PTPRM: variants seen among roughly 807,000 people sequenced by gnomAD.
PTPRM encodes the protein receptor-type tyrosine-protein phosphatase mu.
In PTPRM, 47 loss-of-function variants were observed where a neutral mutation model predicts 186.7. The ratio of observed to expected loss-of-function variants is 0.25; its 90% confidence interval spans 0.20 to 0.32. PTPRM has a LOEUF of 0.32. Among genes scored for constraint, PTPRM ranks in the 10% least tolerant of loss-of-function variants. The probability of loss-of-function intolerance (pLI) is 1.00; values close to 1 mark genes in which losing one functional copy is unlikely to be tolerated. For missense variants in PTPRM, 1,494 were observed against 1,865.0 expected (o/e 0.80, Z 3.66); for synonymous variants, 668 against 674.9 (o/e 0.99, Z 0.16).
chr18:8,075,450 AT>A (rs1239491512), intron 8 of PTPRM, among the ~76,000 whole-genome samples: 2 of 152,144 alleles, frequency 1.3e-5, no homozygotes. Flanking sequence ...ATATATGCAT[AT>A]TTATAAACAG....
intron 1 of PTPRM, among the ~76,000 whole-genome samples, chr18:7,632,149 G>A (rs2038207123): frequency 6.6e-6 from 1 of 152,194 alleles, no homozygotes; most frequent in South Asian, 2.1e-4. Flanking sequence ...TGATGTCAGA[G>A]GCCAATTGTC....
At chr18:7,974,552 C>T (rs1045122835) in intron 7 of PTPRM, among the ~76,000 whole-genome samples, 1 of 152,166 alleles carries the variant, frequency 6.6e-6, no homozygotes, top group Non-Finnish European at 1.5e-5. Context: ...AATTTATTAA[C>T]TCGCATTAAT....
chr18:7,658,359 T>TATATATATATATATATACAC (rs1491198247), intron 1 of PTPRM, among the ~76,000 whole-genome samples: 4 of 136,666 alleles, frequency 2.9e-5, no homozygotes, highest in African/African-American at 1.2e-4. Context: ...TATATATATA[T>TATATATATATATATATACAC]ACATACACAC....
Position 7,676,661 on chromosome 18 carries a change from GTA to G in PTPRM, c.74-97486_74-97485del, listed in dbSNP as rs1555650378. On this transcript the variant is annotated intron_variant, in intron 1 of 32. Transcript: ENST00000580170. ...TGTGTGTGTGTGTGTGTGTGTGTGT[GTA>G]TGTGTGTGTGTGTGTGTGTGTGTGT... Among the ~76,000 whole-genome samples the G allele has an allele frequency of 5.5e-3, 654 of 119,532 alleles. 1 individual carries two copies. Among genetic ancestry groups the G allele is most frequent in the African/African-American group, 0.017 (374 of 22,190 alleles). The allele number at this position is 119,532 out of a possible 152,430, so 78.4% of individuals were successfully genotyped here. A position where few individuals can be genotyped will look rare whatever the true frequency, so the allele number is the denominator to read the frequency against.
At chr18:7,767,396 A>G (rs1480162814) in intron 1 of PTPRM, among the ~76,000 whole-genome samples, 5 of 152,166 alleles carry the variant, frequency 3.3e-5, no homozygotes, top group African/African-American at 1.2e-4. Flanking sequence ...AAAAAAAACA[A>G]TTTTTAATAT....
intron 4 of PTPRM, among the ~76,000 whole-genome samples, chr18:7,918,715 A>G (rs1385175532): frequency 1.3e-5 from 2 of 152,068 alleles, no homozygotes; most frequent in Non-Finnish European, 2.9e-5. Flanking sequence ...TGTCAAATGG[A>G]TAGTTTGCAA....
intron 19 of PTPRM, among the ~76,000 whole-genome samples, chr18:8,258,490 T>C (rs1395257528): frequency 2.0e-5 from 3 of 151,952 alleles, no homozygotes; most frequent in Admixed American, 6.6e-5. Context: ...TCCAACGTTG[T>C]GGTGATCCTG....
chr18:7,661,028 C>T lies in PTPRM; in HGVS notation c.73+93137C>T, dbSNP rs1308102655. On this transcript the variant is annotated intron_variant, in intron 1 of 32. Coordinates refer to ENST00000580170, the MANE Select transcript of PTPRM (RefSeq NM_001105244.2). The stretch of plus-strand genomic sequence containing the variant: ...AAGAACATAGCATTTTCTAACATGA[C>T]AATGTCAGCTTAGTGACAGGATGAA... Among the ~76,000 whole-genome samples, 3 of 152,152 alleles carry T rather than the reference C, an allele frequency of 2.0e-5. No individual in the cohort carries two copies. In the East Asian group the frequency reaches 5.8e-4, roughly 29 times the overall value.
chr18:8,219,416 G>A (rs1293477611), intron 14 of PTPRM, among the ~76,000 whole-genome samples: 2 of 151,832 alleles, frequency 1.3e-5, no homozygotes, highest in Admixed American at 6.6e-5. Context: ...GCAGTGAGCC[G>A]AGATCAGGCC....
At chr18:8,398,781 A>AG in intron 32 of PTPRM, among the ~76,000 whole-genome samples, 1 of 151,956 alleles carries the variant, frequency 6.6e-6, no homozygotes, top group Admixed American at 6.5e-5. Flanking sequence ...AAAAAAAAAA[A>AG]AAAAACTATT....
chr18:8,140,751 A>G (rs1023858047), intron 13 of PTPRM, among the ~76,000 whole-genome samples: 8 of 152,166 alleles, frequency 5.3e-5, no homozygotes, highest in African/African-American at 1.9e-4. Context: ...AAGGAACTAA[A>G]TGCACACTGC....
At chr18:8,004,737 C>T (rs905019813) in intron 7 of PTPRM, among the ~76,000 whole-genome samples, 1 of 152,078 alleles carries the variant, frequency 6.6e-6, no homozygotes, top group Non-Finnish European at 1.5e-5. Context: ...ATAGATTGCA[C>T]GAAGCCAGAA....
intron 3 of PTPRM, among the ~76,000 whole-genome samples, chr18:7,901,076 G>A (rs770644636): frequency 9.2e-5 from 14 of 151,930 alleles, no homozygotes; most frequent in Non-Finnish European, 1.6e-4. Flanking sequence ...TTTTCGACCC[G>A]GATGCTGGCA....
intron 19 of PTPRM, among the ~76,000 whole-genome samples, chr18:8,272,681 C>A (rs2094787481): frequency 6.6e-6 from 1 of 152,046 alleles, no homozygotes; most frequent in Admixed American, 6.6e-5. Flanking sequence ...ACATTCATTG[C>A]AATTTGTGAA....
At chr18:7,833,575 A>T (rs1440996561) in intron 2 of PTPRM, among the ~76,000 whole-genome samples, 1 of 152,080 alleles carries the variant, frequency 6.6e-6, no homozygotes, top group Non-Finnish European at 1.5e-5. Context: ...CTCTACTAAA[A>T]ATACAAAAAT....
intron 1 of PTPRM, among the ~76,000 whole-genome samples, chr18:7,706,146 T>C (rs1448526377): frequency 1.3e-5 from 2 of 151,770 alleles, no homozygotes; most frequent in Admixed American, 6.6e-5. Context: ...TTTTTTCCAG[T>C]ATTGTTTTGG....
At chr18:8,070,891 A>G (rs1444822433) in intron 8 of PTPRM, among the ~76,000 whole-genome samples, 1 of 152,228 alleles carries the variant, frequency 6.6e-6, no homozygotes, top group East Asian at 1.9e-4. Context: ...GTAACTGATA[A>G]TGTAATTTTG....
intron 31 of PTPRM, 62 bp downstream of exon 31, chr18:8,387,297 C>G (rs1266473644): frequency 1.3e-6 from 2 of 1,484,882 alleles, no homozygotes; most frequent in Non-Finnish European, 1.8e-6. Flanking sequence ...CTCTCACCTC[C>G]TAGTTCTCTG....
intron 1 of PTPRM, among the ~76,000 whole-genome samples, chr18:7,683,777 G>A (rs922500444): frequency 5.9e-5 from 9 of 152,156 alleles, no homozygotes; most frequent in Admixed American, 5.9e-4. Flanking sequence ...AAGTGAGCGG[G>A]CTTGCTATGC....
Sources: gnomAD v4.1 joint callset for allele counts (sites outside exome capture counted in the v4.1 genomes callset) on GRCh38, gnomAD v4.1.1 for gene constraint, MANE v1.5 for transcripts, NCBI Gene and HGNC (gene_info 2026-07-23, HGNC 2026-07-21) for gene names.